SLC4A5: variants seen among roughly 807,000 people sequenced by gnomAD.
The protein encoded by SLC4A5 is electrogenic sodium bicarbonate cotransporter 4.
Under a neutral mutation model 120.4 loss-of-function variants are expected in SLC4A5, and 96 were observed. That is an observed-to-expected ratio of 0.80 (90% CI 0.68 to 0.94). SLC4A5 has a LOEUF of 0.94. Ranked by LOEUF, SLC4A5 falls within the 40% of genes least tolerant of loss-of-function variation. SLC4A5 has a pLI of 0.00. For missense variants in SLC4A5, 1,259 were observed against 1,459.5 expected, an observed-to-expected ratio of 0.86 and a Z score of 2.24; for synonymous variants, 550 against 571.1, an observed-to-expected ratio of 0.96 and a Z score of 0.53.
intron 30 of SLC4A5, among the ~76,000 whole-genome samples, chr2:74,220,556 G>A (rs376833480): frequency 1.1e-4 from 17 of 151,278 alleles, no homozygotes; most frequent in East Asian, 3.9e-4. Context: ...TTGCTCTGTT[G>A]CCCAGGCTGG....
intron 3 of SLC4A5, among the ~76,000 whole-genome samples, chr2:74,337,810 T>C (rs564127990): frequency 2.0e-5 from 3 of 152,314 alleles, no homozygotes; most frequent in African/African-American, 7.2e-5. Flanking sequence ...GCTTCATAAT[T>C]AGTTGTGCTC....
intron 8 of SLC4A5, among the ~76,000 whole-genome samples, chr2:74,269,641 T>TAA: frequency 6.6e-6 from 1 of 152,000 alleles, no homozygotes; most frequent in Non-Finnish European, 1.5e-5. Flanking sequence ...ATACAAAAGA[T>TAA]AAACTGAACT....
chr2:74,323,317 C>T (rs1470441998), intron 5 of SLC4A5, among the ~76,000 whole-genome samples: 1 of 152,156 alleles, frequency 6.6e-6, no homozygotes, highest in Non-Finnish European at 1.5e-5. Flanking sequence ...ACATTCTCCA[C>T]CCAGCCAAAC....
intron 5 of SLC4A5, among the ~76,000 whole-genome samples, chr2:74,316,386 C>T (rs887984169): frequency 4.0e-5 from 6 of 148,820 alleles, no homozygotes; most frequent in Non-Finnish European, 7.4e-5. Flanking sequence ...AGCCTCCCCA[C>T]CAACTGAACA....
At chr2:74,254,748 G>A in intron 13 of SLC4A5, 42 bp from the exon 14 acceptor site, 1 of 1,415,772 alleles carries the variant, frequency 7.1e-7, no homozygotes, top group Non-Finnish European at 1.0e-6. Flanking sequence ...GATTAAGGAA[G>A]AGGAGCATGA....
At chr2:74,333,871 C>T (rs1462967638) in intron 4 of SLC4A5, among the ~76,000 whole-genome samples, 156 bp downstream of exon 4, 1 of 152,126 alleles carries the variant, frequency 6.6e-6, no homozygotes, top group Non-Finnish European at 1.5e-5. Context: ...GGCATGGGGG[C>T]AAAATTCTTT....
intron 12 of SLC4A5, among the ~76,000 whole-genome samples, chr2:74,256,661 T>A (rs1444255528): frequency 6.6e-6 from 1 of 152,168 alleles, no homozygotes. Context: ...CACCCAAATG[T>A]ATTCCCACTC....
chr2:74,261,907 G>A (rs1671148044), intron 11 of SLC4A5, among the ~76,000 whole-genome samples: 1 of 152,214 alleles, frequency 6.6e-6, no homozygotes, highest in Non-Finnish European at 1.5e-5. Context: ...ATTACACCAG[G>A]ATGTGACTGA....
intron 29 of SLC4A5, among the ~76,000 whole-genome samples, chr2:74,221,773 G>A (rs1194092156): frequency 1.3e-5 from 2 of 152,064 alleles, no homozygotes; most frequent in African/African-American, 4.8e-5. Context: ...AAGATCTTGA[G>A]GTACCTATGA....
At chr2:74,290,539 T>C (rs1573067541) in intron 7 of SLC4A5, 1 of 984,562 alleles carries the variant, frequency 1.0e-6, no homozygotes. Context: ...AGAAAGATTA[T>C]GCAAAAGTGT....
chr2:74,254,296 T>C (rs537421066), intron 14 of SLC4A5, among the ~76,000 whole-genome samples: 88 of 152,332 alleles, frequency 5.8e-4, no homozygotes, highest in African/African-American at 2.0e-3. Flanking sequence ...TTTGGAATGC[T>C]TGCCTCACAG....
chr2:74,241,249 A>ATATTATTATTAT (rs145522219), intron 20 of SLC4A5, among the ~76,000 whole-genome samples: 2,510 of 140,740 alleles, frequency 0.018, 76 homozygotes, highest in African/African-American at 0.057. Flanking sequence ...TGTGCGTGTC[A>ATATTATTATTAT]TATTATTATT....
chr2:74,274,654 T>C (rs111291792), intron 8 of SLC4A5, among the ~76,000 whole-genome samples: 92 of 152,362 alleles, frequency 6.0e-4, no homozygotes, highest in African/African-American at 2.0e-3. Context: ...TTTATCTTTT[T>C]AGTGTCCCAA....
intron 7 of SLC4A5, among the ~76,000 whole-genome samples, chr2:74,292,091 T>A (rs1672190191): frequency 6.6e-6 from 1 of 152,176 alleles, no homozygotes; most frequent in Non-Finnish European, 1.5e-5. Flanking sequence ...AGTTTCCTCA[T>A]CTATGAAGCG....
chr2:74,232,047 G>A (rs893553080), intron 24 of SLC4A5, among the ~76,000 whole-genome samples: 15 of 152,166 alleles, frequency 9.9e-5, no homozygotes, highest in Admixed American at 7.9e-4. Flanking sequence ...ACTGGGGAGC[G>A]GGGGTGATCC....
At chr2:74,236,696 T>C (rs1670279290) in intron 21 of SLC4A5, among the ~76,000 whole-genome samples, 1 of 152,244 alleles carries the variant, frequency 6.6e-6, no homozygotes, top group Non-Finnish European at 1.5e-5. Flanking sequence ...TCCTAGCATA[T>C]ACATCAAAAC....
At chr2:74,233,240 G>A (rs1670154810) in intron 23 of SLC4A5, among the ~76,000 whole-genome samples, 162 bp downstream of exon 23, 2 of 152,172 alleles carry the variant, frequency 1.3e-5, no homozygotes, top group African/African-American at 4.8e-5. Flanking sequence ...ACCCACATCT[G>A]GAGGTCACAT....
chr2:74,252,223 CAT>C lies in SLC4A5; in HGVS notation c.1432_1433del (p.Met478AlafsTer5), dbSNP rs1175025427. ...CCTCCCCGATTTCATGCATGGCTGG[CAT>C]CTCTCCATCATCCCCGCTGCTTGTT... On this transcript the variant is annotated frameshift_variant, in exon 16 of 31. Transcript: ENST00000394019. LOFTEE classifies it high-confidence loss of function. 1 of 1,612,348 alleles carries C rather than the reference CAT, an allele frequency of 6.2e-7. No homozygotes were observed. Among genetic ancestry groups the C allele is most frequent in the East Asian group, 2.2e-5 (1 of 44,878 alleles).
intron 2 of SLC4A5, among the ~76,000 whole-genome samples, chr2:74,340,438 A>C (rs941971585): frequency 2.0e-5 from 3 of 152,136 alleles, no homozygotes; most frequent in Non-Finnish European, 4.4e-5. Context: ...GCAGCGATGA[A>C]AGGCTGAACC....
Sources: allele counts gnomAD v4.1 joint callset (sites outside exome capture counted in the v4.1 genomes callset), GRCh38; gene constraint gnomAD v4.1.1; transcripts MANE v1.5; gene names NCBI Gene and HGNC (gene_info 2026-07-23, HGNC 2026-07-21).